NEBL: variants seen among roughly 807,000 people sequenced by gnomAD.
The protein encoded by NEBL is nebulette.
Under a neutral mutation model 140.2 loss-of-function variants are expected in NEBL, and 122 were observed. That is an observed-to-expected ratio of 0.87 (90% CI 0.75 to 1.01). The LOEUF (loss-of-function observed/expected upper bound fraction) is 1.01. NEBL is among the 50% of genes least tolerant of loss of function. The pLI, the probability that NEBL is intolerant of heterozygous loss-of-function variation, is 0.00. For missense variants in NEBL, 1,365 were observed against 1,231.3 expected, an observed-to-expected ratio of 1.11 and a Z score of -1.62; for synonymous variants, 436 against 398.9, an observed-to-expected ratio of 1.09 and a Z score of -1.11.
Position 20,991,740 on chromosome 10 carries a change from T to C in NEBL, c.249+28377A>G, listed in dbSNP as rs140276042. 9.1e-3 allele frequency among the ~76,000 whole-genome samples: 1,384 copies of C among 152,010 alleles called. 23 individuals are homozygous for C. Among genetic ancestry groups the C allele is most frequent in the African/African-American group, 0.032 (1,319 of 41,390 alleles). Reference sequence around the variant, plus strand: ...GTAGTGAACATAGTACCCAATACTTTGTCAACCTTTGCTCCCTCCCTCCCT... The same window carrying C: ...GTAGTGAACATAGTACCCAATACTTCGTCAACCTTTGCTCCCTCCCTCCCT... On this transcript the variant is annotated intron_variant, in intron 3 of 6. Transcript: ENST00000417816.
chr10:21,148,976 C>A (rs1312041053), intron 2 of NEBL, among the ~76,000 whole-genome samples: 2 of 152,074 alleles, frequency 1.3e-5, no homozygotes, highest in African/African-American at 4.8e-5. Context: ...CAGAAGGGGT[C>A]CTGCCCCATA....
chr10:20,899,556 C>G (rs1000884251), upstream of NEBL: 1 of 527,432 alleles, frequency 1.9e-6, no homozygotes, highest in Non-Finnish European at 3.0e-6. Flanking sequence ...ATTCTAGAAT[C>G]AGAATTTCAA....
intron 11 of NEBL, among the ~76,000 whole-genome samples, chr10:20,846,449 C>A (rs926536750): frequency 2.0e-5 from 3 of 152,104 alleles, no homozygotes; most frequent in African/African-American, 7.2e-5. Flanking sequence ...CCTCACTTAG[C>A]ACATGTGTTC....
intron 2 of NEBL, chr10:21,029,757 C>T: frequency 1.3e-6 from 1 of 788,908 alleles, no homozygotes; most frequent in Non-Finnish European, 2.3e-6. Context: ...ATCGATATGG[C>T]TGGCGGTAGG....
intron 3 of NEBL, among the ~76,000 whole-genome samples, chr10:21,008,723 G>A (rs1193888941): frequency 1.3e-5 from 2 of 152,074 alleles, no homozygotes; most frequent in African/African-American, 2.4e-5. Flanking sequence ...ATCTCTTCCT[G>A]TGCCTAATTT....
chr10:20,948,628 G>A (rs574645282), intron 4 of NEBL, among the ~76,000 whole-genome samples: 43 of 152,264 alleles, frequency 2.8e-4, no homozygotes, highest in South Asian at 1.9e-3. Context: ...ACACACTCAC[G>A]CTGGAGGACA....
At chr10:21,053,212 C>G (rs1168522681) in intron 2 of NEBL, among the ~76,000 whole-genome samples, 2 of 152,122 alleles carry the variant, frequency 1.3e-5, no homozygotes, top group African/African-American at 2.4e-5. Context: ...CGTTCTTTCC[C>G]CCCTACCATC....
chr10:20,870,250 C>T (rs544818509), intron 5 of NEBL, among the ~76,000 whole-genome samples: 6 of 147,112 alleles, frequency 4.1e-5, no homozygotes, highest in Non-Finnish European at 5.9e-5. Flanking sequence ...CGCTCAAACC[C>T]GAGAGGCAGA....
intron 7 of NEBL, chr10:20,867,634 T>C (rs541766333): frequency 3.9e-5 from 6 of 152,238 alleles, no homozygotes; most frequent in African/African-American, 1.4e-4. Context: ...GGATTTTCTT[T>C]GAAGATTTTA....
At chr10:21,102,153 C>G (rs73607591) in intron 2 of NEBL, among the ~76,000 whole-genome samples, 245 of 152,354 alleles carry the variant, frequency 1.6e-3, no homozygotes, top group African/African-American at 5.2e-3. Flanking sequence ...TCTACCACAA[C>G]TGTTAATAAG....
chr10:20,879,113 T>A (rs1845774916), intron 5 of NEBL, among the ~76,000 whole-genome samples: 1 of 152,206 alleles, frequency 6.6e-6, no homozygotes, highest in African/African-American at 2.4e-5. Flanking sequence ...AATCTGAAGA[T>A]AACCTATTTT....
At chr10:21,137,726 A>T (rs1463355365) in intron 2 of NEBL, among the ~76,000 whole-genome samples, 1 of 152,144 alleles carries the variant, frequency 6.6e-6, no homozygotes, top group East Asian at 1.9e-4. Context: ...TCAGGCCAGC[A>T]GTTTGAAACC....
At chr10:21,001,627 C>T (rs1934493192) in intron 3 of NEBL, among the ~76,000 whole-genome samples, 1 of 151,506 alleles carries the variant, frequency 6.6e-6, no homozygotes, top group South Asian at 2.1e-4. Context: ...AATATACTCA[C>T]AACTTTTTTT....
At chr10:21,107,024 A>G (rs1002761524) in intron 2 of NEBL, among the ~76,000 whole-genome samples, 5 of 152,134 alleles carry the variant, frequency 3.3e-5, no homozygotes, top group African/African-American at 9.7e-5. Context: ...ATTTTTGCAC[A>G]TTGATTTTGT....
At chr10:21,052,935 A>G (rs1034570685) in intron 2 of NEBL, among the ~76,000 whole-genome samples, 4 of 152,218 alleles carry the variant, frequency 2.6e-5, no homozygotes, top group African/African-American at 9.6e-5. Context: ...AGCATGTTCT[A>G]GGGTTTGACA....
At chr10:21,179,788 C>T (rs754755395), upstream of NEBL, among the ~76,000 whole-genome samples, 6 of 150,338 alleles carry the variant, frequency 4.0e-5, no homozygotes, top group South Asian at 2.1e-4. Flanking sequence ...GCCTTGAAGA[C>T]GGAGGAAGGG....
Position 21,056,727 on chromosome 10 carries a change from G to A in NEBL, c.165-36526C>T, listed in dbSNP as rs141963172. Reference sequence around the variant, plus strand: ...AGTGATGGATTGCAACATTAAAGCTGTATGGATGCATCTCAAAAGCAAAAT... The same window carrying A: ...AGTGATGGATTGCAACATTAAAGCTATATGGATGCATCTCAAAAGCAAAAT... On this transcript the variant is annotated intron_variant, in intron 2 of 6. Transcript: ENST00000417816. Among the ~76,000 whole-genome samples, 29 of 152,292 alleles carry A rather than the reference G, an allele frequency of 1.9e-4. No individual in the cohort carries two copies. The East Asian group carries it at 4.2e-3, about 22-fold the overall frequency.
rs568186662 is a variant in NEBL, at chr10:20,862,590, C to T, written c.685-2764G>A. Among the ~76,000 whole-genome samples the T allele has an allele frequency of 3.2e-4, 49 of 152,298 alleles. 1 individual carries two copies. Among genetic ancestry groups the T allele is most frequent in the African/African-American group, 1.1e-3 (47 of 41,582 alleles). On this transcript the variant is annotated intron_variant, in intron 7 of 27. Transcript: ENST00000377122. ...GTTCATACATCTGTGTGTCTACCTC[C>T]TCATGCAGGTTTGCATCTTCTGAGA... is the stretch of plus-strand genomic sequence containing the variant.
chr10:21,098,974 CA>C (rs1301444581), intron 2 of NEBL, among the ~76,000 whole-genome samples: 18 of 148,086 alleles, frequency 1.2e-4, no homozygotes, highest in East Asian at 1.2e-3. Context: ...CCACACCCAC[CA>C]AAAAAAAAAT....
Sources: gnomAD v4.1 joint callset for allele counts (sites outside exome capture counted in the v4.1 genomes callset) on GRCh38, gnomAD v4.1.1 for gene constraint, MANE v1.5 for transcripts, NCBI Gene and HGNC (gene_info 2026-07-23, HGNC 2026-07-21) for gene names.